Variants in ABCD3 observed in about 807,000 individuals in gnomAD.
The protein encoded by ABCD3 is ATP binding cassette subfamily D member 3, also known as ATP-binding cassette sub-family D member 3.
A neutral mutation model predicts 105.5 loss-of-function variants in ABCD3; 41 were observed. The ratio of observed to expected loss-of-function variants is 0.39; its 90% CI spans 0.30 to 0.50. ABCD3 has a LOEUF of 0.50. Ranked by LOEUF, ABCD3 falls within the 20% of genes least tolerant of loss-of-function variation. ABCD3 has a pLI of 0.84. For synonymous variants in ABCD3, 258 were observed against 269.0 expected (o/e 0.96, Z 0.40); for missense variants, 622 against 806.3 (o/e 0.77, Z 2.77).
the ABCD3 span, among the ~76,000 whole-genome samples, chr1:94,401,406 T>G: frequency 1.2e-4 from 19 of 152,166 alleles, no homozygotes; most frequent in African/African-American, 4.6e-4. Context: ...AAACAAAATC[T>G]CCAACCAGCA....
At chr1:94,436,744 A>G (rs1659918892) in intron 1 of ABCD3, among the ~76,000 whole-genome samples, 1 of 152,192 alleles carries the variant, frequency 6.6e-6, no homozygotes, top group Admixed American at 6.5e-5. Flanking sequence ...GTGATTGGAC[A>G]TCTTTGTTGT....
the ABCD3 span, among the ~76,000 whole-genome samples, chr1:94,389,531 C>T: frequency 2.0e-5 from 3 of 152,224 alleles, no homozygotes; most frequent in Admixed American, 2.0e-4. Context: ...CGGCCCATCC[C>T]TTTGTTTCCC....
At chr1:94,399,619 C>G in the ABCD3 span, among the ~76,000 whole-genome samples, 1 of 152,234 alleles carries the variant, frequency 6.6e-6, no homozygotes, top group African/African-American at 2.4e-5. Flanking sequence ...GTCCATTGTT[C>G]TTTCTACTTC....
the ABCD3 span, among the ~76,000 whole-genome samples, chr1:94,412,505 A>T: frequency 3.3e-5 from 5 of 152,134 alleles, no homozygotes; most frequent in African/African-American, 1.2e-4. Flanking sequence ...ATAATATTCC[A>T]TTATATTTGT....
chr1:94,393,534 G>T, the ABCD3 span, among the ~76,000 whole-genome samples: 1 of 152,104 alleles, frequency 6.6e-6, no homozygotes, highest in Non-Finnish European at 1.5e-5. Context: ...AGCTACCTGG[G>T]AGGCTGAGGC....
intron 7 of ABCD3, 78 bp downstream of exon 7, chr1:94,475,815 A>C: frequency 1.6e-6 from 2 of 1,235,246 alleles, no homozygotes; most frequent in Non-Finnish European, 2.3e-6. Context: ...TATAGAATTG[A>C]TTTTGTGGAC....
intron 1 of ABCD3, among the ~76,000 whole-genome samples, chr1:94,431,617 A>G (rs547976004): frequency 1.2e-4 from 19 of 152,148 alleles, no homozygotes; most frequent in Non-Finnish European, 2.5e-4. Context: ...GCTGGAGTAC[A>G]TGGTGCCATC....
chr1:94,418,510 G>T lies in ABCD3; in HGVS notation c.32G>T (p.Arg11Leu). 2 of 1,605,500 alleles carry T rather than the reference G, an allele frequency of 1.2e-6. No homozygotes were observed. Among genetic ancestry groups the T allele is most frequent in the Non-Finnish European group, 1.7e-6 (2 of 1,179,116 alleles). The change falls in exon 1 of 23, where the codon CGA (arginine) becomes CTA (leucine). Residue 11 changes from arginine (R) to leucine (L), a missense_variant. This residue lies in a region of ABCD3 where 89 missense variants were observed against 77.5 expected (regional missense o/e 1.15). Coordinates refer to ENST00000370214, the MANE Select transcript of ABCD3 (RefSeq NM_002858.4). MAAFSKYLTA[R>L]NSSLAGAAFL... ...GCCTTCAGCAAGTACTTGACGGCGC[G>T]AAACTCCTCGCTGGCTGGTGCCGCG...
intron 16 of ABCD3, among the ~76,000 whole-genome samples, chr1:94,495,249 AAGT>A (rs1408532176): frequency 6.6e-6 from 1 of 152,124 alleles, no homozygotes; most frequent in African/African-American, 2.4e-5. Flanking sequence ...AATTTATAGA[AAGT>A]AGGATTTATC....
At chr1:94,461,185 T>C (rs969903911) in intron 2 of ABCD3, among the ~76,000 whole-genome samples, 4 of 152,126 alleles carry the variant, frequency 2.6e-5, no homozygotes, top group Admixed American at 1.3e-4. Flanking sequence ...AATTTTCTTA[T>C]TTTTGCTCGT....
At chr1:94,490,834 G>A (rs888083145) in intron 15 of ABCD3, among the ~76,000 whole-genome samples, 1 of 151,956 alleles carries the variant, frequency 6.6e-6, no homozygotes, top group Non-Finnish European at 1.5e-5. Flanking sequence ...ATTTTTTGAG[G>A]AACATCCATA....
chr1:94,441,349 A>G (rs1454261461), intron 1 of ABCD3, among the ~76,000 whole-genome samples: 2 of 152,228 alleles, frequency 1.3e-5, no homozygotes, highest in South Asian at 2.1e-4. Flanking sequence ...TAAAAATGCA[A>G]CAATATACTT....
At position 94,499,523 on chromosome 1, in the gene ABCD3, A is replaced by G. The variant is rs1174290085; in HGVS notation, c.1649A>G (p.Gln550Arg). Residue 550 changes from glutamine to arginine, a missense_variant, in exon 20 of 23, where the codon CAG (glutamine) becomes CGG (arginine). Gln to Arg is a conservative substitution (Grantham distance 43, BLOSUM62 1). Coordinates refer to ENST00000370214, the MANE Select transcript of ABCD3 (RefSeq NM_002858.4). ...CTGAAGGAATACTTAGACAATGTCCAGTTGGGTCATATCCTTGAACGTGAA... is the reference window on the plus strand; with the variant it reads ...CTGAAGGAATACTTAGACAATGTCCGGTTGGGTCATATCCTTGAACGTGAA... ...LVLKEYLDNVQLGHILEREGG... is the reference protein window; with the variant it reads ...LVLKEYLDNVRLGHILEREGG... 1.2e-6 allele frequency: 2 copies of G among 1,613,704 alleles called. No individual in the cohort carries two copies. Among genetic ancestry groups the G allele is most frequent in the East Asian group, 4.5e-5 (2 of 44,834 alleles).
chr1:94,461,988 C>T (rs1647895111), intron 2 of ABCD3, among the ~76,000 whole-genome samples: 1 of 152,212 alleles, frequency 6.6e-6, no homozygotes, highest in South Asian at 2.1e-4. Flanking sequence ...CTATTTCAAA[C>T]ATCTTTTTCA....
At chr1:94,418,710 C>T in intron 1 of ABCD3, 122 bp downstream of exon 1, 1 of 980,738 alleles carries the variant, frequency 1.0e-6, no homozygotes, top group Non-Finnish European at 1.5e-6. Flanking sequence ...AGAGGGCCGA[C>T]CGCGACTGCC....
intron 20 of ABCD3, among the ~76,000 whole-genome samples, chr1:94,506,099 A>G (rs1313027204): frequency 6.6e-6 from 1 of 152,226 alleles, no homozygotes; most frequent in South Asian, 2.1e-4. Flanking sequence ...AACAGGTACA[A>G]TAAAAATTAT....
chr1:94,401,003 A>AT, the ABCD3 span, among the ~76,000 whole-genome samples: 3 of 152,276 alleles, frequency 2.0e-5, no homozygotes, highest in South Asian at 6.2e-4. Flanking sequence ...ATGCTCAGTC[A>AT]CCTTGCTATG....
chr1:94,414,246 T>TGA (rs1658961475), upstream of ABCD3, among the ~76,000 whole-genome samples: 1 of 152,192 alleles, frequency 6.6e-6, no homozygotes, highest in South Asian at 2.1e-4. Flanking sequence ...CCTTTCCTGA[T>TGA]GAGCATGTAC....
intron 20 of ABCD3, among the ~76,000 whole-genome samples, chr1:94,501,265 G>GAAAAAA (rs4148065): frequency 1.6e-5 from 1 of 61,928 alleles, no homozygotes. Context: ...TGTCTCAAAA[G>GAAAAAA]AAAAAAAAAA....
Sources: allele counts gnomAD v4.1 joint callset (sites outside exome capture counted in the v4.1 genomes callset), GRCh38; gene constraint gnomAD v4.1.1; regional missense constraint gnomAD v4.1.1; transcripts MANE v1.5; gene names NCBI Gene and HGNC (gene_info 2026-07-23, HGNC 2026-07-21).